The following KIAA1958 variants were observed in gnomAD, a reference collection of about 807,000 sequenced individuals.
KIAA1958 encodes the protein KIAA1958.
A neutral mutation model predicts 47.2 loss-of-function variants in KIAA1958; 14 were observed. The observed-to-expected ratio is 0.30, with a 90% CI of 0.20 to 0.46. The LOEUF (loss-of-function observed/expected upper bound fraction) is 0.46, where lower values mean the gene tolerates loss of function less well. Ranked by LOEUF, KIAA1958 falls within the 20% of genes least tolerant of loss-of-function variation. The pLI is 1.00. For missense variants in KIAA1958, 803 were observed against 909.2 expected, an observed-to-expected ratio of 0.88 and a Z score of 1.50; for synonymous variants, 354 against 353.3, an observed-to-expected ratio of 1.00 and a Z score of -0.02.
chr9:112,669,178 G>A lies in KIAA1958; in HGVS notation c.*9109G>A, dbSNP rs1400809825. 1 of 152,228 alleles carries A rather than the reference G, an allele frequency of 6.6e-6. No homozygotes were observed. The highest frequency in any genetic ancestry group is 2.4e-5 in the African/African-American group (1 of 41,428). 9.4% of individuals were successfully genotyped at this position (152,228 alleles called of 1,614,324 possible). Reference sequence around the variant, plus strand: ...GGGGCACATGAGTGGGAAAGTGGGTGTCACTCCTATTTTCTGTCCTAGAGT... The same window carrying A: ...GGGGCACATGAGTGGGAAAGTGGGTATCACTCCTATTTTCTGTCCTAGAGT... On this transcript the variant is annotated 3_prime_UTR_variant, in exon 4 of 4. Coordinates refer to ENST00000337530, the MANE Select transcript of KIAA1958 (RefSeq NM_133465.4).
chr9:112,610,221 A>T (rs1322958664), intron 2 of KIAA1958, among the ~76,000 whole-genome samples: 1 of 152,068 alleles, frequency 6.6e-6, no homozygotes, highest in Admixed American at 6.5e-5. Flanking sequence ...AGAGATGCAG[A>T]TAACCCAGTA....
At chr9:112,654,495 A>G (rs371399606) in intron 3 of KIAA1958, among the ~76,000 whole-genome samples, 1 of 152,092 alleles carries the variant, frequency 6.6e-6, no homozygotes, top group African/African-American at 2.4e-5. Flanking sequence ...GCTTGCAGCT[A>G]TGTGAAAAAA....
At chr9:112,600,367 C>T (rs1246038348) in intron 2 of KIAA1958, among the ~76,000 whole-genome samples, 1 of 152,194 alleles carries the variant, frequency 6.6e-6, no homozygotes, top group Admixed American at 6.5e-5. Context: ...TGTTAGGTCA[C>T]ACCTGCAATG....
intron 2 of KIAA1958, among the ~76,000 whole-genome samples, chr9:112,643,315 A>G (rs568434831): frequency 6.6e-6 from 1 of 152,320 alleles, no homozygotes; most frequent in South Asian, 2.1e-4. Flanking sequence ...ACCTTGGTAA[A>G]TATTGGATGA....
chr9:112,659,995 A>G lies in KIAA1958; in HGVS notation c.2077A>G (p.Asn693Asp), dbSNP rs1285886763. Residue 693 changes from asparagine to aspartate, a missense_variant, in exon 4 of 4, where the codon AAC becomes GAC. Coordinates refer to ENST00000337530, the MANE Select transcript of KIAA1958 (RefSeq NM_133465.4). ...PNLAKKVKLENCENFTFVSFT... is the reference protein window; with the variant it reads ...PNLAKKVKLEDCENFTFVSFT... ...CTTAGCCAAGAAGGTCAAGCTGGAA[A>G]ACTGTGAGAACTTCACCTTTGTCTC... is the stretch of plus-strand genomic sequence containing the variant. 3.1e-6 allele frequency: 5 copies of G among 1,614,112 alleles called. No homozygotes were observed. The African/African-American group carries it at 4.0e-5, about 13-fold the overall frequency.
At chr9:112,565,468 C>A (rs1835412609) in intron 1 of KIAA1958, among the ~76,000 whole-genome samples, 1 of 152,194 alleles carries the variant, frequency 6.6e-6, no homozygotes, top group Non-Finnish European at 1.5e-5. Context: ...AATCATTGCC[C>A]ATGTCAGATA....
intron 1 of KIAA1958, among the ~76,000 whole-genome samples, chr9:112,517,362 T>G (rs1834456265): frequency 6.6e-6 from 1 of 152,240 alleles, no homozygotes; most frequent in South Asian, 2.1e-4. Flanking sequence ...TTTCATTTTA[T>G]TTTTGAAAAA....
intron 3 of KIAA1958, among the ~76,000 whole-genome samples, chr9:112,656,219 C>G (rs1006781554): frequency 6.6e-6 from 1 of 151,704 alleles, no homozygotes; most frequent in Non-Finnish European, 1.5e-5. Flanking sequence ...CTAAAAAATA[C>G]AAAAATTAGC....
chr9:112,661,081 T>C lies in KIAA1958; in HGVS notation c.*1012T>C, dbSNP rs1344376928. On this transcript the variant is annotated 3_prime_UTR_variant, in exon 4 of 4. Transcript: ENST00000337530. ...GCAAAAAACACAGATCCCCAAACTT[T>C]CTTTATTAAAGAGATTTGGAATATT... 6.6e-6 allele frequency: 1 copy of C among 152,228 alleles called. No homozygotes were observed. The highest frequency in any genetic ancestry group is 1.5e-5 in the Non-Finnish European group (1 of 68,034). 9.4% of individuals were successfully genotyped at this position (152,228 alleles called of 1,614,324 possible). A position where few individuals can be genotyped will look rare whatever the true frequency, so the allele number is the denominator to read the frequency against.
At chr9:112,506,349 G>A (rs1290338426) in intron 1 of KIAA1958, among the ~76,000 whole-genome samples, 3 of 152,096 alleles carry the variant, frequency 2.0e-5, no homozygotes, top group Admixed American at 6.5e-5. Context: ...CCAGCTTCTC[G>A]GGAGGCTGAG....
chr9:112,645,861 A>G (rs1836966419), intron 3 of KIAA1958, 39 bp downstream of exon 3: 1 of 1,583,292 alleles, frequency 6.3e-7, no homozygotes, highest in Non-Finnish European at 8.6e-7. Flanking sequence ...AGCCAACTTC[A>G]CTGAGCTTCC....
chr9:112,626,926 A>G (rs1296456011), intron 2 of KIAA1958, among the ~76,000 whole-genome samples: 2 of 151,880 alleles, frequency 1.3e-5, no homozygotes, highest in African/African-American at 4.8e-5. Flanking sequence ...GCTCTTTCAT[A>G]TGTGTGTTTG....
intron 2 of KIAA1958, among the ~76,000 whole-genome samples, chr9:112,604,933 A>C (rs1178656067): frequency 1.4e-5 from 2 of 147,602 alleles, no homozygotes; most frequent in Non-Finnish European, 3.0e-5. Context: ...TACATATTTT[A>C]TGTAATATAT....
intron 1 of KIAA1958, among the ~76,000 whole-genome samples, chr9:112,542,015 G>A (rs10981436): frequency 0.38 from 58,378 of 151,930 alleles, 12,856 homozygotes; most frequent in Non-Finnish European, 0.52. Flanking sequence ...TTTAAGGAAC[G>A]TTCGTTTTGT....
At chr9:112,625,209 A>G (rs1279120343) in intron 2 of KIAA1958, among the ~76,000 whole-genome samples, 1 of 152,106 alleles carries the variant, frequency 6.6e-6, no homozygotes, top group African/African-American at 2.4e-5. Flanking sequence ...GGCACAATCA[A>G]GACTCACTGC....
rs893273968 is a variant in KIAA1958 at position 112,638,711 on chromosome 9, T to C, written c.1172-6939T>C. ...ACTTCCCCATTCTCTCTTCTCTTTC[T>C]GAGACTCTTAATTACAAATATGTTA... On this transcript the variant is annotated intron_variant, in intron 2 of 3. Transcript: ENST00000337530. Among the ~76,000 whole-genome samples, 2 of 152,186 alleles carry C rather than the reference T, an allele frequency of 1.3e-5. 1 individual carries two copies. The highest frequency in any genetic ancestry group is 1.3e-4 in the Admixed American group (2 of 15,278).
chr9:112,561,575 CTGGGTGCAGTGG>C (rs1346897198), intron 1 of KIAA1958, among the ~76,000 whole-genome samples: 13 of 152,064 alleles, frequency 8.5e-5, no homozygotes, highest in Non-Finnish European at 1.8e-4. Context: ...GAAACTCGGG[CTGGGTGCAGTGG>C]CTCACCCCTG....
Position 112,618,814 on chromosome 9 carries a change from T to C in KIAA1958, c.1172-26836T>C, listed in dbSNP as rs1357615735. The C allele has an allele frequency of 1.5e-5, 23 of 1,550,482 alleles. No homozygotes were observed. Among genetic ancestry groups the C allele is most frequent in the Non-Finnish European group, 2.0e-5 (23 of 1,146,992 alleles). ...AGAGCAACCAGCTCGTGCTGATCTG[T>C]AACAATCTGAGCCAGCAGGCTGCCC... On this transcript the variant is annotated intron_variant, in intron 2 of 3. Transcript: ENST00000337530. This position sits in a 1 kb window ranked among gnomAD's most constrained non-coding sequence, Gnocchi z 7.1.
At chr9:112,537,956 A>G (rs1223088497) in intron 1 of KIAA1958, among the ~76,000 whole-genome samples, 3 of 152,222 alleles carry the variant, frequency 2.0e-5, no homozygotes, top group Non-Finnish European at 4.4e-5. Context: ...AACATTATAC[A>G]ATAATAAAAG....
Sources: allele counts gnomAD v4.1 joint callset (sites outside exome capture counted in the v4.1 genomes callset), GRCh38; gene constraint gnomAD v4.1.1; non-coding constraint Gnocchi (gnomAD v3.1); transcripts MANE v1.5; gene names NCBI Gene and HGNC (gene_info 2026-07-23, HGNC 2026-07-21).